The following STX7 variants were observed in gnomAD, a reference collection of about 807,000 sequenced individuals.
STX7 encodes syntaxin-7.
In STX7, 34 loss-of-function variants were observed where a neutral mutation model predicts 39.6. The ratio of observed to expected loss-of-function variants is 0.86; its 90% CI spans 0.65 to 1.14. The LOEUF (loss-of-function observed/expected upper bound fraction) is 1.14. Ranked by LOEUF, STX7 falls within the 50% of genes most tolerant of loss-of-function variation. The probability of loss-of-function intolerance (pLI) is 0.00; values close to 1 mark genes in which losing one functional copy is unlikely to be tolerated. For synonymous variants in STX7, 119 were observed against 99.1 expected, an observed-to-expected ratio of 1.20 and a Z score of -1.19; for missense variants, 284 against 310.4, an observed-to-expected ratio of 0.92 and a Z score of 0.64.
At chr6:132,508,351 A>G (rs963236979) in intron 1 of STX7, among the ~76,000 whole-genome samples, 5 of 152,202 alleles carry the variant, frequency 3.3e-5, no homozygotes, top group Non-Finnish European at 7.3e-5. Context: ...CCTCTCTGGA[A>G]AATCAATCAC....
rs562795538 is a variant in STX7 at position 132,473,656 on chromosome 6, A to G, written c.156-1281T>C. On this transcript the variant is annotated intron_variant, in intron 3 of 9. Transcript: ENST00000367941. ...ATAAATTGAAAAGATTTCCAACTTA[A>G]AAACATGACACTAAAAAAAAGCTCA... Among the ~76,000 whole-genome samples, 3 of 152,102 alleles carry G rather than the reference A, an allele frequency of 2.0e-5. No homozygotes were observed. In the South Asian group the frequency reaches 6.2e-4, roughly 32 times the overall value.
chr6:132,490,175 A>G (rs7772611), intron 2 of STX7, among the ~76,000 whole-genome samples: 3,558 of 152,280 alleles, frequency 0.023, 128 homozygotes, highest in African/African-American at 0.08. Flanking sequence ...GCGCCTTGCA[A>G]TTCCCCAACC....
intron 2 of STX7, among the ~76,000 whole-genome samples, chr6:132,479,900 A>G (rs1450490721): frequency 6.6e-6 from 1 of 152,188 alleles, no homozygotes; most frequent in African/African-American, 2.4e-5. Flanking sequence ...CACTTTCAAT[A>G]ACGTGCTAAT....
intron 1 of STX7, among the ~76,000 whole-genome samples, chr6:132,512,736 T>C (rs910988013): frequency 6.6e-6 from 1 of 152,038 alleles, no homozygotes; most frequent in African/African-American, 2.4e-5. Flanking sequence ...CCGCGGCGGG[T>C]GCGTGGCTGG....
Position 132,451,576 on chromosome 6 carries a change from C to A in STX7, c.*9182G>T, listed in dbSNP as rs1413260207. On this transcript the variant is annotated 3_prime_UTR_variant, in exon 10 of 10. Coordinates refer to ENST00000367941, the MANE Select transcript of STX7 (RefSeq NM_003569.3). ...ATAATAATAAGGCTAAAGGAGTGCT[C>A]TAAACAGAAAGGAAATGATAAATGA... 1 of 152,072 alleles carries A rather than the reference C, an allele frequency of 6.6e-6. No homozygotes were observed. The allele number at this position is 152,072 out of a possible 1,614,324, so 9.4% of individuals were successfully genotyped here. A position where few individuals can be genotyped will look rare whatever the true frequency, so the allele number is the denominator to read the frequency against.
At position 132,454,186 on chromosome 6, in the gene STX7, A is replaced by G. The variant is rs1449366220; in HGVS notation, c.*6572T>C. On this transcript the variant is annotated 3_prime_UTR_variant, in exon 10 of 10. Transcript: ENST00000367941. ...AAAAAAGCCAATCCCAAAAGGTTAC[A>G]TATTATTATGATTCCAGTTATACAG... 6.6e-6 allele frequency: 1 copy of G among 151,978 alleles called. No individual in the cohort carries two copies. The highest frequency in any genetic ancestry group is 1.9e-4 in the East Asian group (1 of 5,168). The allele number at this position is 151,978 out of a possible 1,614,324, so 9.4% of individuals were successfully genotyped here.
At chr6:132,464,226 G>T in intron 8 of STX7, 151 bp from the exon 9 acceptor site, 1 of 722,836 alleles carries the variant, frequency 1.4e-6, no homozygotes, top group African/African-American at 1.8e-5. Context: ...TTTTAAGCTG[G>T]CTTTAAGAAT....
intron 2 of STX7, among the ~76,000 whole-genome samples, chr6:132,494,910 C>G (rs947358354): frequency 1.3e-5 from 2 of 152,186 alleles, no homozygotes; most frequent in Admixed American, 1.3e-4. Flanking sequence ...AATTTGGAGA[C>G]TGCAGTCATC....
intron 2 of STX7, among the ~76,000 whole-genome samples, chr6:132,488,424 T>C (rs1341830895): frequency 6.6e-6 from 1 of 152,252 alleles, no homozygotes; most frequent in Admixed American, 6.5e-5. Flanking sequence ...TTGAATCTTC[T>C]GTATCCTGAT....
chr6:132,470,161 C>A, intron 6 of STX7, 114 bp from the exon 7 acceptor site: 1 of 678,578 alleles, frequency 1.5e-6, no homozygotes, highest in Non-Finnish European at 2.2e-6. Context: ...TCCAAAGTCA[C>A]AGAACTACTC....
chr6:132,460,991 T>C, intron 9 of STX7, 141 bp from the exon 10 acceptor site: 1 of 636,230 alleles, frequency 1.6e-6, no homozygotes, highest in Non-Finnish European at 2.6e-6. Flanking sequence ...TTTGACTGTG[T>C]TTTTTTGTTC....
At chr6:132,473,315 G>C (rs1774781392) in intron 3 of STX7, among the ~76,000 whole-genome samples, 3 of 152,080 alleles carry the variant, frequency 2.0e-5, no homozygotes, top group African/African-American at 7.2e-5. Flanking sequence ...CTGCAGATTG[G>C]TTCCAGGACC....
intron 2 of STX7, among the ~76,000 whole-genome samples, chr6:132,479,525 A>G (rs1774963870): frequency 6.6e-6 from 1 of 152,194 alleles, no homozygotes; most frequent in Non-Finnish European, 1.5e-5. Flanking sequence ...TTCACCATGA[A>G]TTGTATCTTG....
At chr6:132,461,041 A>C (rs1479417771) in intron 9 of STX7, among the ~76,000 whole-genome samples, 191 bp from the exon 10 acceptor site, 1 of 152,188 alleles carries the variant, frequency 6.6e-6, no homozygotes, top group Non-Finnish European at 1.5e-5. Context: ...TATTCTTTCA[A>C]AAAAATTCTT....
rs1051100733 is a variant in STX7, at chr6:132,456,975, T to G, written c.*3783A>C. On this transcript the variant is annotated 3_prime_UTR_variant, in exon 10 of 10. Coordinates refer to ENST00000367941, the MANE Select transcript of STX7 (RefSeq NM_003569.3). ...TGAGTTTCACAGCAGTTTCAAAATC[T>G]CTTGCAAGGCACTGGCTTTGGAGCT... The G allele has an allele frequency of 2.0e-5, 3 of 152,310 alleles. No homozygotes were observed. Among genetic ancestry groups the G allele is most frequent in the Non-Finnish European group, 4.4e-5 (3 of 68,120 alleles). 9.4% of individuals were successfully genotyped at this position (152,310 alleles called of 1,614,324 possible). A position where few individuals can be genotyped will look rare whatever the true frequency, so the allele number is the denominator to read the frequency against.
chr6:132,471,178 T>A (rs1432217157), intron 5 of STX7, among the ~76,000 whole-genome samples: 1 of 152,214 alleles, frequency 6.6e-6, no homozygotes, highest in East Asian at 1.9e-4. Context: ...GATGTGAGAA[T>A]ACTACTCAGG....
intron 2 of STX7, among the ~76,000 whole-genome samples, chr6:132,496,030 C>T (rs529202121): frequency 2.6e-5 from 4 of 152,234 alleles, no homozygotes; most frequent in African/African-American, 9.6e-5. Flanking sequence ...CAGTCACCTT[C>T]TCTTAGCACT....
At position 132,503,332 on chromosome 6, in the gene STX7, G is replaced by A. The variant is rs1582683444; in HGVS notation, c.85+114C>T. On this transcript the variant is annotated intron_variant, in intron 2 of 9. Transcript: ENST00000367941. ...GAGTTCGAGCCCTTTAAAACCTGTT[G>A]TTAGAGGAATGCTCCTCCCTCTCTC... 3 of 837,182 alleles carry A rather than the reference G, an allele frequency of 3.6e-6. No individual in the cohort carries two copies. The East Asian group carries it at 7.6e-5, about 21-fold the overall frequency. The allele number at this position is 837,182 out of a possible 1,614,324, so 51.9% of individuals were successfully genotyped here. A position where few individuals can be genotyped will look rare whatever the true frequency, so the allele number is the denominator to read the frequency against.
intron 1 of STX7, among the ~76,000 whole-genome samples, chr6:132,504,555 C>CA (rs1163963614): frequency 2.6e-5 from 4 of 152,174 alleles, no homozygotes; most frequent in Non-Finnish European, 5.9e-5. Context: ...TGGAATACTG[C>CA]AAAATTGTTG....
Sources: gnomAD v4.1 joint callset for allele counts (sites outside exome capture counted in the v4.1 genomes callset) on GRCh38, gnomAD v4.1.1 for gene constraint, MANE v1.5 for transcripts, NCBI Gene and HGNC (gene_info 2026-07-23, HGNC 2026-07-21) for gene names.